The following RBMS3 variants were observed in gnomAD, a reference collection of about 807,000 sequenced individuals.
RBMS3 encodes the protein RNA binding motif single stranded interacting protein 3.
Under a neutral mutation model 66.8 loss-of-function variants are expected in RBMS3, and 27 were observed. The observed-to-expected ratio is 0.40, with a 90% confidence interval of 0.30 to 0.56. RBMS3 has a LOEUF of 0.56. Ranked by LOEUF, RBMS3 falls within the 20% of genes least tolerant of loss-of-function variation. RBMS3 has a pLI of 0.40. For synonymous variants in RBMS3, 188 were observed against 183.0 expected (o/e 1.03, Z -0.22); for missense variants, 513 against 549.5 (o/e 0.93, Z 0.66).
chr3:29,347,756 T>G (rs2125551195), intron 1 of RBMS3, among the ~76,000 whole-genome samples: 1 of 152,280 alleles, frequency 6.6e-6, no homozygotes, highest in Middle Eastern at 3.4e-3. Flanking sequence ...GTTCAGTTTA[T>G]TTCTCCCCAC....
intron 2 of RBMS3, among the ~76,000 whole-genome samples, chr3:29,478,067 C>G (rs1367304318): frequency 6.6e-6 from 1 of 152,166 alleles, no homozygotes; most frequent in Admixed American, 6.5e-5. Flanking sequence ...CCACACCCAG[C>G]GCAAAGACAA....
chr3:29,489,728 C>G (rs773914276), intron 3 of RBMS3, among the ~76,000 whole-genome samples: 3 of 136,826 alleles, frequency 2.2e-5, no homozygotes, highest in Non-Finnish European at 3.1e-5. Flanking sequence ...TTGAGTAGAC[C>G]CACGTAGCTG....
intron 1 of RBMS3, among the ~76,000 whole-genome samples, chr3:29,374,717 T>A (rs1031335546): frequency 6.6e-6 from 1 of 152,248 alleles, no homozygotes; most frequent in Non-Finnish European, 1.5e-5. Context: ...TAAAATGGAT[T>A]CATTGGGATG....
chr3:29,744,920 T>A lies in RBMS3; in HGVS notation c.557+5043T>A, dbSNP rs75844108. ...AACCTGAATAATTTTTTCAGTGGAC[T>A]TCATTTTGAATGTTACTATTGGTGA... On this transcript the variant is annotated intron_variant, in intron 5 of 14. Transcript: ENST00000383767. 4.1e-3 allele frequency among the ~76,000 whole-genome samples: 628 copies of A among 152,330 alleles called. 14 individuals are homozygous for A. Among genetic ancestry groups the A allele is most frequent in the Admixed American group, 0.035 (528 of 15,288 alleles).
intron 6 of RBMS3, among the ~76,000 whole-genome samples, chr3:29,807,277 A>G (rs914443842): frequency 1.3e-5 from 2 of 151,964 alleles, no homozygotes; most frequent in Non-Finnish European, 2.9e-5. Flanking sequence ...TCTTCTCTGC[A>G]TAAATCTAGC....
At chr3:29,349,115 G>A (rs2036755019) in intron 1 of RBMS3, among the ~76,000 whole-genome samples, 1 of 152,068 alleles carries the variant, frequency 6.6e-6, no homozygotes, top group Non-Finnish European at 1.5e-5. Flanking sequence ...GCTCCTTTGA[G>A]GCCTTTACTG....
At chr3:29,688,012 G>A (rs1396334359) in intron 4 of RBMS3, among the ~76,000 whole-genome samples, 5 of 152,122 alleles carry the variant, frequency 3.3e-5, no homozygotes, top group African/African-American at 4.8e-5. Context: ...GAAGCTGCAC[G>A]AATAATTACC....
intron 4 of RBMS3, among the ~76,000 whole-genome samples, chr3:29,615,716 G>A (rs193070635): frequency 2.2e-4 from 33 of 152,238 alleles, no homozygotes; most frequent in Admixed American, 1.8e-3. Flanking sequence ...CTTTAGCAAC[G>A]AATATAGAGT....
intron 3 of RBMS3, among the ~76,000 whole-genome samples, chr3:29,563,383 C>T (rs2046623779): frequency 6.6e-6 from 1 of 152,182 alleles, no homozygotes; most frequent in Non-Finnish European, 1.5e-5. Flanking sequence ...CTGTGACCAG[C>T]ATGGGTCTGT....
At chr3:29,366,008 GA>G (rs1281891635) in intron 1 of RBMS3, among the ~76,000 whole-genome samples, 1 of 152,024 alleles carries the variant, frequency 6.6e-6, no homozygotes, top group African/African-American at 2.4e-5. Flanking sequence ...TTGACTGAAG[GA>G]AAAAAGTCAC....
rs768819331 is a variant in RBMS3 at position 29,762,950 on chromosome 3, T to C, written c.598T>C (p.Phe200Leu). 3.1e-6 allele frequency: 5 copies of C among 1,610,552 alleles called. No individual in the cohort carries two copies. Among genetic ancestry groups the C allele is most frequent in the Non-Finnish European group, 4.2e-6 (5 of 1,178,038 alleles). Residue 200 changes from phenylalanine to leucine, a missense_variant, in exon 6 of 15, where the codon TTT (phenylalanine) becomes CTT (leucine). By Grantham distance (22) the Phe-to-Leu change is conservative. Coordinates refer to ENST00000383767, the MANE Select transcript of RBMS3 (RefSeq NM_001003793.3). ...AAAATGTGAAGTGGTAATTCAACATTTTAATGGAAAATATCTGAAAACACC... is the reference window on the plus strand; with the variant it reads ...AAAATGTGAAGTGGTAATTCAACATCTTAATGGAAAATATCTGAAAACACC... ...TEKCEVVIQH[F>L]NGKYLKTPPG...
chr3:29,362,492 G>A (rs1051855801), intron 1 of RBMS3, among the ~76,000 whole-genome samples: 4 of 152,210 alleles, frequency 2.6e-5, no homozygotes, highest in African/African-American at 9.6e-5. Flanking sequence ...CTGCTCGGGG[G>A]TCAGGAACCC....
chr3:29,973,749 T>A, intron 12 of RBMS3, among the ~76,000 whole-genome samples: 1 of 151,940 alleles, frequency 6.6e-6, no homozygotes, highest in Non-Finnish European at 1.5e-5. Flanking sequence ...TCACTCTAAA[T>A]CTCAATTTTA....
chr3:29,382,910 C>T (rs887489850), intron 1 of RBMS3, among the ~76,000 whole-genome samples: 2 of 152,136 alleles, frequency 1.3e-5, no homozygotes, highest in African/African-American at 4.8e-5. Flanking sequence ...GAACAAGCCA[C>T]ACATACTCAT....
At chr3:29,930,109 C>CTTTCTTTCTTTTTTTTTTTTTTT (rs71091082) in intron 10 of RBMS3, among the ~76,000 whole-genome samples, 8 of 43,566 alleles carry the variant, frequency 1.8e-4, no homozygotes, top group African/African-American at 2.5e-4. Flanking sequence ...TTCTTTCTTT[C>CTTTCTTTCTTTTTTTTTTTTTTT]TTTTTTTTTT....
At position 29,880,773 on chromosome 3, in the gene RBMS3, C is replaced by A. The variant is rs909669703; in HGVS notation, c.745-3389C>A. 13 of 1,535,612 alleles carry A rather than the reference C, an allele frequency of 8.5e-6. No homozygotes were observed. The African/African-American group carries it at 1.8e-4, about 21-fold the overall frequency. The stretch of plus-strand genomic sequence containing the variant: ...CACTATCTCTTGTTGTCTCCTCTTG[C>A]CAAAGGTACTCAGAGGCAGGACTGT... On this transcript the variant is annotated intron_variant, in intron 7 of 14. Coordinates refer to ENST00000383767, the MANE Select transcript of RBMS3 (RefSeq NM_001003793.3).
rs956674698 is a variant in RBMS3 at position 29,962,311 on chromosome 3, C to T, written c.1098+18057C>T. The stretch of plus-strand genomic sequence containing the variant: ...AATGAAATCCAATGATCAGTACCTT[C>T]GCATAGTATGTGTATCCGCTATGGA... On this transcript the variant is annotated intron_variant, in intron 12 of 14. Transcript: ENST00000383767. Among the ~76,000 whole-genome samples, 10 of 151,466 alleles carry T rather than the reference C, an allele frequency of 6.6e-5. 1 individual carries two copies. The highest frequency in any genetic ancestry group is 1.5e-4 in the Non-Finnish European group (10 of 67,932).
At chr3:29,408,203 C>T (rs1244290129) in intron 1 of RBMS3, among the ~76,000 whole-genome samples, 1 of 137,674 alleles carries the variant, frequency 7.3e-6, no homozygotes, top group African/African-American at 2.8e-5. Context: ...ACCCGGGAGG[C>T]GGAGCTTGCA....
At chr3:29,903,804 T>C (rs1312691967) in intron 10 of RBMS3, among the ~76,000 whole-genome samples, 4 of 151,956 alleles carry the variant, frequency 2.6e-5, no homozygotes, top group Admixed American at 1.3e-4. Flanking sequence ...AAATGCAAGA[T>C]GCCCTTATTG....
Sources: gnomAD v4.1 joint callset for allele counts (sites outside exome capture counted in the v4.1 genomes callset) on GRCh38, gnomAD v4.1.1 for gene constraint, MANE v1.5 for transcripts, NCBI Gene and HGNC (gene_info 2026-07-23, HGNC 2026-07-21) for gene names.